ATP6V1B1: variants seen among roughly 807,000 people sequenced by gnomAD.
ATP6V1B1 encodes the protein V-type proton ATPase subunit B, kidney isoform.
ATP6V1B1 carries 41 observed loss-of-function variants against 62.1 expected under a neutral mutation model. The observed-to-expected ratio is 0.66, with a 90% confidence interval of 0.51 to 0.86. The LOEUF (loss-of-function observed/expected upper bound fraction) is 0.86, where lower values mean the gene tolerates loss of function less well. Ranked by LOEUF, ATP6V1B1 falls within the 40% of genes least tolerant of loss-of-function variation. The probability of loss-of-function intolerance (pLI) is 0.00; values close to 1 mark genes in which losing one functional copy is unlikely to be tolerated. For synonymous variants in ATP6V1B1, 253 were observed against 273.4 expected (o/e 0.93, Z 0.74); for missense variants, 651 against 697.5 (o/e 0.93, Z 0.75).
At position 70,965,329 on chromosome 2, in the gene ATP6V1B1, G is replaced by T. The variant is rs1465771553; in HGVS notation, c.*208G>T. On this transcript the variant is annotated 3_prime_UTR_variant, in exon 14 of 14. Transcript: ENST00000234396. ...TGCCTCCCCCTCGACTCCCGGTGCT[G>T]CGGAAGAACTGAAGGTTGCGATGCC... 4 of 679,760 alleles carry T rather than the reference G, an allele frequency of 5.9e-6. No homozygotes were observed. The highest frequency in any genetic ancestry group is 9.8e-6 in the Non-Finnish European group (4 of 408,952). 42.1% of individuals were successfully genotyped at this position (679,760 alleles called of 1,614,324 possible).
intron 2 of ATP6V1B1, chr2:70,957,797 C>T: frequency 1.9e-6 from 1 of 529,036 alleles, no homozygotes; most frequent in South Asian, 2.0e-5. Flanking sequence ...AAGTAACTTC[C>T]ACAAGGTCAG....
chr2:70,945,506 G>A (rs1680136293), intron 2 of ATP6V1B1, among the ~76,000 whole-genome samples: 1 of 151,744 alleles, frequency 6.6e-6, no homozygotes, highest in Non-Finnish European at 1.5e-5. Context: ...AGAAAGGAAT[G>A]ACAAAGAATG....
Position 70,960,968 on chromosome 2 carries a change from G to C in ATP6V1B1, c.633G>C (p.Lys211Asn). The C allele has an allele frequency of 6.2e-7, 1 of 1,607,928 alleles. No homozygotes were observed. The highest frequency in any genetic ancestry group is 8.5e-7 in the Non-Finnish European group (1 of 1,177,218). ...CRQAGLVKKS[K>N]AVLDYHDDNF... ...AGGCGGGGCTGGTGAAGAAGTCCAA[G>C]GCTGTGCTGGATTACCATGACGACA... The change falls in exon 7 of 14, where the codon AAG (lysine) becomes AAC (asparagine). Residue 211 changes from lysine (K) to asparagine (N), a missense_variant. Transcript: ENST00000234396.
chr2:70,957,638 C>T (rs1460894953), intron 2 of ATP6V1B1: 12 of 325,898 alleles, frequency 3.7e-5, no homozygotes, highest in South Asian at 2.9e-4. Flanking sequence ...AAGTGCCAGG[C>T]ACCATGCTAA....
chr2:70,940,835 T>G (rs1320013170), intron 1 of ATP6V1B1: 1 of 985,104 alleles, frequency 1.0e-6, no homozygotes, highest in African/African-American at 1.8e-5. Context: ...AAGGAGCAGA[T>G]GGGGTCAGTT....
chr2:70,938,185 C>A lies in ATP6V1B1; in HGVS notation c.118+2113C>A, dbSNP rs182258973. Among the ~76,000 whole-genome samples the A allele has an allele frequency of 3.2e-3, 483 of 152,068 alleles. 4 individuals are homozygous for A. Among genetic ancestry groups the A allele is most frequent in the African/African-American group, 0.011 (466 of 41,534 alleles). On this transcript the variant is annotated intron_variant, in intron 1 of 13. Transcript: ENST00000234396. Reference sequence around the variant, plus strand: ...AAGGCTGGGATTCCTTGGTGTGTCCCTTCATCCACAGTGTCTCCCAATCCC... The same window carrying A: ...AAGGCTGGGATTCCTTGGTGTGTCCATTCATCCACAGTGTCTCCCAATCCC...
In ATP6V1B1 at chr2:70,963,258, G is replaced by A. The variant is rs1553420436; in HGVS notation, c.1006G>A (p.Glu336Lys). The change falls in exon 10 of 14, where the codon GAG (glutamate) becomes AAG (lysine). Residue 336 changes from glutamate to lysine, a missense_variant. By Grantham distance (56) the Glu-to-Lys change is moderately conservative. Coordinates refer to ENST00000234396, the MANE Select transcript of ATP6V1B1 (RefSeq NM_001692.4). This position sits in a 1 kb window ranked among gnomAD's most constrained non-coding sequence, Gnocchi z 4.3. ...CATCTACGAGCGGGCGGGCCGCGTG[G>A]AGGGTCGGGGAGGATCCATCACACA... The part of the protein sequence containing the change: ...ATIYERAGRV[E>K]GRGGSITQIP... The A allele has an allele frequency of 1.2e-6, 2 of 1,613,780 alleles. No homozygotes were observed. Among genetic ancestry groups the A allele is most frequent in the South Asian group, 2.2e-5 (2 of 91,080 alleles).
Position 70,965,147 on chromosome 2 carries a change from C to A in ATP6V1B1, c.*26C>A. On this transcript the variant is annotated 3_prime_UTR_variant, in exon 14 of 14. Transcript: ENST00000234396. ...CCCCGCGCGCCGTGGCACCCCAACACCGGCAGGGAACCTACCCTCGGCTCC... is the reference window on the plus strand; with the variant it reads ...CCCCGCGCGCCGTGGCACCCCAACAACGGCAGGGAACCTACCCTCGGCTCC... 6.2e-7 allele frequency: 1 copy of A among 1,603,866 alleles called. No homozygotes were observed. The highest frequency in any genetic ancestry group is 8.5e-7 in the Non-Finnish European group (1 of 1,179,696).
chr2:70,963,080 AG>A lies in ATP6V1B1; in HGVS notation c.910-79del. The A allele has an allele frequency of 1.2e-6, 2 of 1,605,768 alleles. No homozygotes were observed. The highest frequency in any genetic ancestry group is 1.7e-6 in the Non-Finnish European group (2 of 1,174,634). On this transcript the variant is annotated intron_variant, in intron 9 of 13. Transcript: ENST00000234396. This position sits in a 1 kb window ranked among gnomAD's most constrained non-coding sequence, Gnocchi z 4.3. ...CCCTGCCCCCCACTCCATTTCTCAC[AG>A]GGTCACTGAACCTCCCACCCACCCT...
At chr2:70,940,479 T>C (rs1438968972) in intron 1 of ATP6V1B1, 26 of 985,304 alleles carry the variant, frequency 2.6e-5, no homozygotes, top group Non-Finnish European at 2.9e-5. Context: ...CTCTCCTGCC[T>C]GCCCTGCATC....
At chr2:70,936,395 C>T (rs1364760834) in intron 1 of ATP6V1B1, among the ~76,000 whole-genome samples, 3 of 152,106 alleles carry the variant, frequency 2.0e-5, no homozygotes, top group African/African-American at 7.2e-5. Flanking sequence ...GTGTGCTGTG[C>T]ACCTGCTCTT....
intron 2 of ATP6V1B1, among the ~76,000 whole-genome samples, chr2:70,946,842 T>C (rs1292133418): frequency 2.6e-5 from 4 of 152,090 alleles, no homozygotes; most frequent in African/African-American, 4.8e-5. Flanking sequence ...CACTGTAAAA[T>C]GAGGCCGATC....
In ATP6V1B1 at chr2:70,962,818, C is replaced by G. The variant is rs782028655; in HGVS notation, c.827C>G (p.Ala276Gly). Residue 276 changes from alanine to glycine, a missense_variant, in exon 9 of 14, where the codon GCT becomes GGT. Coordinates refer to ENST00000234396, the MANE Select transcript of ATP6V1B1 (RefSeq NM_001692.4). Reference protein sequence around the residue: ...IITPRLALTTAEFLAYQCEKH... With the variant: ...IITPRLALTTGEFLAYQCEKH... ...ACCCCGCGCCTGGCGCTGACCACTG[C>G]TGAATTCCTTGCCTACCAGTGTGAG... 1 of 1,614,032 alleles carries G rather than the reference C, an allele frequency of 6.2e-7. No homozygotes were observed. Among genetic ancestry groups the G allele is most frequent in the Admixed American group, 1.7e-5 (1 of 60,012 alleles).
At position 70,936,238 on chromosome 2, in the gene ATP6V1B1, A is replaced by G. The variant is rs956750546; in HGVS notation, c.118+166A>G. Among the ~76,000 whole-genome samples, 3 of 152,178 alleles carry G rather than the reference A, an allele frequency of 2.0e-5. No individual in the cohort carries two copies. The East Asian group carries it at 5.8e-4, about 30-fold the overall frequency. ...AGAGTGACGCAGTGGGGCCACCTGG[A>G]CCAGAGGCCACCTCTGCAGGTGAAG... On this transcript the variant is annotated intron_variant, in intron 1 of 13. Coordinates refer to ENST00000234396, the MANE Select transcript of ATP6V1B1 (RefSeq NM_001692.4).
intron 7 of ATP6V1B1, 64 bp from the exon 8 acceptor site, chr2:70,961,532 A>G: frequency 1.3e-6 from 2 of 1,524,502 alleles, no homozygotes; most frequent in Non-Finnish European, 1.8e-6. Context: ...GACACCTGGG[A>G]GGGGCCAGGC....
chr2:70,944,283 C>A, intron 2 of ATP6V1B1: 1 of 1,226,388 alleles, frequency 8.2e-7, no homozygotes, highest in Non-Finnish European at 1.1e-6. Flanking sequence ...ATTTTGTAGC[C>A]CCTGGGAAAC....
chr2:70,938,422 A>G, intron 1 of ATP6V1B1: 2 of 455,092 alleles, frequency 4.4e-6, no homozygotes, highest in Non-Finnish European at 5.8e-6. Context: ...AAGCACTCCC[A>G]GACAGGAGAA....
At chr2:70,938,533 C>CGG (rs2104798157) in intron 1 of ATP6V1B1, 1 of 985,038 alleles carries the variant, frequency 1.0e-6, no homozygotes, top group South Asian at 4.7e-5. Context: ...TCCCCTCCCC[C>CGG]GGGGGAGGTG....
rs1031704215 is a variant in ATP6V1B1 at position 70,958,515 on chromosome 2, C to G, written c.367+89C>G. ...CCAAACCCTCAGCACACTACACTGTCACTTCCTGTTTACTTCCTGCCTGTC... is the reference window on the plus strand; with the variant it reads ...CCAAACCCTCAGCACACTACACTGTGACTTCCTGTTTACTTCCTGCCTGTC... On this transcript the variant is annotated intron_variant, in intron 4 of 13. Coordinates refer to ENST00000234396, the MANE Select transcript of ATP6V1B1 (RefSeq NM_001692.4). The G allele has an allele frequency of 6.4e-6, 8 of 1,250,888 alleles. No individual in the cohort carries two copies. In the Admixed American group the frequency reaches 1.3e-4, roughly 20 times the overall value. 77.5% of individuals were successfully genotyped at this position (1,250,888 alleles called of 1,614,324 possible). A position where few individuals can be genotyped will look rare whatever the true frequency, so the allele number is the denominator to read the frequency against.
Sources: allele counts gnomAD v4.1 joint callset (sites outside exome capture counted in the v4.1 genomes callset), GRCh38; gene constraint gnomAD v4.1.1; non-coding constraint Gnocchi (gnomAD v3.1); transcripts MANE v1.5; gene names NCBI Gene and HGNC (gene_info 2026-07-23, HGNC 2026-07-21).